CACNA1E: variants seen among roughly 807,000 people sequenced by gnomAD.
The protein encoded by CACNA1E is voltage-dependent R-type calcium channel subunit alpha-1E.
A neutral mutation model predicts 259.2 loss-of-function variants in CACNA1E; 40 were observed. The ratio of observed to expected loss-of-function variants is 0.15; its 90% confidence interval spans 0.12 to 0.20. The LOEUF (loss-of-function observed/expected upper bound fraction) is 0.20. Ranked by LOEUF, CACNA1E falls within the 10% of genes least tolerant of loss-of-function variation. The probability of loss-of-function intolerance (pLI) is 1.00; values close to 1 mark genes in which losing one functional copy is unlikely to be tolerated. For missense variants in CACNA1E, 1,874 were observed against 3,040.1 expected (o/e 0.62, Z 9.02); for synonymous variants, 1,104 against 1,138.5 (o/e 0.97, Z 0.61).
In CACNA1E at chr1:181,732,608, C is replaced by G. The variant is rs552604539; in HGVS notation, c.2522C>G (p.Ala841Gly). ...ATTGAGGGCCTGGCCCTGGGCCTGG[C>G]CCTGGAGAAGTTCGAGGAGGAGCGC... ...RAIEGLALGL[A>G]LEKFEEERIS... Residue 841 changes from alanine (A) to glycine (G), a missense_variant, in exon 20 of 48, where the codon GCC (alanine) becomes GGC (glycine). This residue lies in a region of CACNA1E where 476 missense variants were observed against 514.0 expected (regional missense o/e 0.93). Coordinates refer to ENST00000367573, the MANE Select transcript of CACNA1E (RefSeq NM_001205293.3). The surrounding 1 kb of genome is among the most constrained non-coding windows in gnomAD (Gnocchi z 5.5). 1 of 1,492,232 alleles carries G rather than the reference C, an allele frequency of 6.7e-7. No individual in the cohort carries two copies. Among genetic ancestry groups the G allele is most frequent in the East Asian group, 2.5e-5 (1 of 40,534 alleles). The allele number at this position is 1,492,232 out of a possible 1,614,324, so 92.4% of individuals were successfully genotyped here. A position where few individuals can be genotyped will look rare whatever the true frequency, so the allele number is the denominator to read the frequency against.
At position 181,740,131 on chromosome 1, in the gene CACNA1E, A is replaced by G. The variant is rs537969798; in HGVS notation, c.3719+878A>G. ...GCTTCAGCCTCTTCCAGGAGGCACA[A>G]CAGAATTCTCAGAGCCATCCCTCAA... is the stretch of plus-strand genomic sequence containing the variant. On this transcript the variant is annotated intron_variant, in intron 25 of 47. Coordinates refer to ENST00000367573, the MANE Select transcript of CACNA1E (RefSeq NM_001205293.3). Among the ~76,000 whole-genome samples the G allele has an allele frequency of 5.8e-4, 89 of 152,280 alleles. 1 individual carries two copies. The highest frequency in any genetic ancestry group is 3.4e-3 in the Middle Eastern group (1 of 294).
chr1:181,519,272 G>T (rs543209385), intron 3 of CACNA1E, among the ~76,000 whole-genome samples: 2 of 152,336 alleles, frequency 1.3e-5, no homozygotes, highest in East Asian at 3.9e-4. Flanking sequence ...GTAGAGATTT[G>T]TGCACTTGTG....
chr1:181,331,909 C>A lies in CACNA1E; in HGVS notation c.-15+13786C>A, dbSNP rs562427671. Among the ~76,000 whole-genome samples, 8 of 152,238 alleles carry A rather than the reference C, an allele frequency of 5.3e-5. No homozygotes were observed. The South Asian group carries it at 1.7e-3, about 32-fold the overall frequency. On this transcript the variant is annotated intron_variant, in intron 1 of 11. Transcript: ENST00000524607. ...TAATTATAGGTGTGCAGTCTTATTTCTGGGTTCTCTATTCTGTTCCATTGG... is the reference window on the plus strand; with the variant it reads ...TAATTATAGGTGTGCAGTCTTATTTATGGGTTCTCTATTCTGTTCCATTGG...
rs930558812 is a variant in CACNA1E at position 181,710,333 on chromosome 1, A to C, written c.1056-621A>C. 3.9e-5 allele frequency among the ~76,000 whole-genome samples: 6 copies of C among 152,298 alleles called. No individual in the cohort carries two copies. The South Asian group carries it at 6.2e-4, about 16-fold the overall frequency. ...GAAGTCATCAGGCTCATTGATCTTC[A>C]GTGGCAGCTTTTATTGAGCACTAGA... is the stretch of plus-strand genomic sequence containing the variant. On this transcript the variant is annotated intron_variant, in intron 7 of 47. Transcript: ENST00000367573.
intron 7 of CACNA1E, among the ~76,000 whole-genome samples, chr1:181,672,293 T>C (rs898887657): frequency 2.2e-4 from 33 of 152,152 alleles, no homozygotes; most frequent in African/African-American, 8.0e-4. Context: ...GTACTAAGTT[T>C]AATACCTGGG....
chr1:181,377,888 A>G (rs1050264361), intron 1 of CACNA1E, among the ~76,000 whole-genome samples: 1 of 152,224 alleles, frequency 6.6e-6, no homozygotes, highest in Admixed American at 6.5e-5. Flanking sequence ...CATACTCTTA[A>G]TAACACACTA....
At chr1:181,693,149 A>C (rs572277615) in intron 7 of CACNA1E, among the ~76,000 whole-genome samples, 16,119 of 128,868 alleles carry the variant, frequency 0.13, 961 homozygotes, top group Admixed American at 0.17. Flanking sequence ...AAAAAAAAAA[A>C]ACAACAGATG....
At chr1:181,472,825 C>T (rs1242336499) in intron 2 of CACNA1E, among the ~76,000 whole-genome samples, 1 of 152,146 alleles carries the variant, frequency 6.6e-6, no homozygotes, top group Non-Finnish European at 1.5e-5. Flanking sequence ...AATGGCAGGC[C>T]TGCTGTTCAT....
intron 3 of CACNA1E, among the ~76,000 whole-genome samples, chr1:181,575,345 C>A (rs1650865511): frequency 6.6e-6 from 1 of 152,164 alleles, no homozygotes; most frequent in Non-Finnish European, 1.5e-5. Flanking sequence ...CTCTGTGAGA[C>A]CCCTGCAACA....
At position 181,567,942 on chromosome 1, in the gene CACNA1E, T is replaced by TATATATATACACAC. The variant is rs779952382; in HGVS notation, c.513-9808_513-9795dup. Among the ~76,000 whole-genome samples, 85 of 152,122 alleles carry TATATATATACACAC rather than the reference T, an allele frequency of 5.6e-4. 1 individual carries two copies. Among genetic ancestry groups the TATATATATACACAC allele is most frequent in the African/African-American group, 2.0e-3 (84 of 41,498 alleles). ...TTATGTAATTTTATGTATGTGTGTA[T>TATATATATACACAC]ATATATATACACACATATATATACA... On this transcript the variant is annotated intron_variant, in intron 3 of 47. Coordinates refer to ENST00000367573, the MANE Select transcript of CACNA1E (RefSeq NM_001205293.3).
chr1:181,587,131 G>C (rs1262981395), intron 6 of CACNA1E, among the ~76,000 whole-genome samples: 2 of 152,194 alleles, frequency 1.3e-5, no homozygotes, highest in Non-Finnish European at 2.9e-5. Context: ...GGTAGATGTG[G>C]TGTTGGAATC....
intron 1 of CACNA1E, among the ~76,000 whole-genome samples, chr1:181,405,032 G>T (rs915450901): frequency 6.6e-6 from 1 of 152,214 alleles, no homozygotes; most frequent in Non-Finnish European, 1.5e-5. Flanking sequence ...CAGCATGAGG[G>T]GTTGCCCCTG....
intron 27 of CACNA1E, 23 bp downstream of exon 27, chr1:181,752,262 C>T: frequency 6.6e-7 from 1 of 1,519,828 alleles, no homozygotes; most frequent in Non-Finnish European, 9.1e-7. Flanking sequence ...GAGTTTGTTC[C>T]CATCAAATCC....
intron 6 of CACNA1E, among the ~76,000 whole-genome samples, chr1:181,617,785 G>T (rs1655356897): frequency 6.6e-6 from 1 of 152,168 alleles, no homozygotes; most frequent in Non-Finnish European, 1.5e-5. Context: ...ATTTTAAGGG[G>T]CGCAAAGTTA....
upstream of CACNA1E, among the ~76,000 whole-genome samples, chr1:181,481,555 G>T (rs1434470113): frequency 6.6e-6 from 1 of 152,230 alleles, no homozygotes; most frequent in African/African-American, 2.4e-5. Context: ...CTGGGCTTTG[G>T]TCAGTGTCTG....
intron 6 of CACNA1E, among the ~76,000 whole-genome samples, chr1:181,640,811 A>G (rs1472031880): frequency 1.3e-5 from 2 of 152,250 alleles, no homozygotes; most frequent in Non-Finnish European, 2.9e-5. Flanking sequence ...GCAGGTTTCT[A>G]ATCTCCTATT....
chr1:181,716,321 G>A (rs1037652147), intron 10 of CACNA1E, among the ~76,000 whole-genome samples, 192 bp downstream of exon 10: 1 of 151,772 alleles, frequency 6.6e-6, no homozygotes, highest in Admixed American at 6.6e-5. Flanking sequence ...AAGGACCTGG[G>A]GATGCTATTT....
intron 2 of CACNA1E, among the ~76,000 whole-genome samples, chr1:181,465,525 T>TA (rs1571932826): frequency 1.3e-5 from 2 of 152,120 alleles, no homozygotes; most frequent in East Asian, 3.9e-4. Context: ...TCTCTATTTT[T>TA]ATCTCCCTGG....
At position 181,732,552 on chromosome 1, in the gene CACNA1E, C is replaced by T; in HGVS notation, c.2466C>T (p.Ala822=). ...TCAGCTCCCTCAACCCGCTCAATGC[C>T]CACCCCAGCCTTTATCGGCGACCCA... is the stretch of plus-strand genomic sequence containing the variant. ...NPLSSLNPLN[A]HPSLYRRPRA... Residue 822 remains alanine (A), a synonymous_variant, in exon 20 of 48, where the codon GCC becomes GCT. Coordinates refer to ENST00000367573, the MANE Select transcript of CACNA1E (RefSeq NM_001205293.3). This position sits in a 1 kb window ranked among gnomAD's most constrained non-coding sequence, Gnocchi z 5.5. The T allele has an allele frequency of 6.5e-7, 1 of 1,547,930 alleles. No homozygotes were observed. Among genetic ancestry groups the T allele is most frequent in the Non-Finnish European group, 8.7e-7 (1 of 1,145,234 alleles).
Sources: allele counts gnomAD v4.1 joint callset (sites outside exome capture counted in the v4.1 genomes callset), GRCh38; gene constraint gnomAD v4.1.1; regional missense constraint gnomAD v4.1.1; non-coding constraint Gnocchi (gnomAD v3.1); transcripts MANE v1.5; gene names NCBI Gene and HGNC (gene_info 2026-07-23, HGNC 2026-07-21).